Variants in BICC1 observed in about 807,000 individuals in gnomAD.
BICC1 encodes the protein protein bicaudal C homolog 1.
BICC1 carries 43 observed loss-of-function variants against 111.0 expected under a neutral mutation model. The observed-to-expected ratio is 0.39, with a 90% CI of 0.30 to 0.50. The LOEUF (loss-of-function observed/expected upper bound fraction) is 0.50, where lower values mean the gene tolerates loss of function less well. Ranked by LOEUF, BICC1 falls within the 20% of genes least tolerant of loss-of-function variation. The pLI is 0.88. For synonymous variants in BICC1, 467 were observed against 434.4 expected, an observed-to-expected ratio of 1.07 and a Z score of -0.93; for missense variants, 1,091 against 1,203.2, an observed-to-expected ratio of 0.91 and a Z score of 1.38.
chr10:58,771,230 G>A (rs377652472), intron 3 of BICC1, among the ~76,000 whole-genome samples: 102 of 152,242 alleles, frequency 6.7e-4, no homozygotes, highest in Middle Eastern at 3.4e-3. Flanking sequence ...AGTCTGAAGG[G>A]CTGTCATGGA....
At chr10:58,575,795 T>C (rs1844095048) in intron 1 of BICC1, among the ~76,000 whole-genome samples, 1 of 152,184 alleles carries the variant, frequency 6.6e-6, no homozygotes, top group Admixed American at 6.6e-5. Flanking sequence ...TGTATTACCA[T>C]AAATTGTATT....
intron 1 of BICC1, among the ~76,000 whole-genome samples, chr10:58,596,085 T>A (rs996688375): frequency 6.6e-6 from 1 of 152,196 alleles, no homozygotes; most frequent in Non-Finnish European, 1.5e-5. Context: ...TAAACACCTC[T>A]GTGGAAATAA....
At position 58,789,688 on chromosome 10, in the gene BICC1, A is replaced by C. The variant is rs755739904; in HGVS notation, c.802A>C (p.Thr268Pro). 6.2e-7 allele frequency: 1 copy of C among 1,614,122 alleles called. No homozygotes were observed. The highest frequency in any genetic ancestry group is 8.5e-7 in the Non-Finnish European group (1 of 1,179,996). The change falls in exon 8 of 21, where the codon ACT becomes CCT. Residue 268 changes from threonine (T) to proline (P), a missense_variant. Around this residue, in one of 3 missense-constraint regions of BICC1, gnomAD observed 843 missense variants for 900.8 expected, o/e 0.94. Coordinates refer to ENST00000373886, the MANE Select transcript of BICC1 (RefSeq NM_001080512.3). ...TCCCACCCTTTTCTCTTAGGAAGGA[A>C]CTGCCATGCTGTTAGAACATCTTGC... ...QNNTSAVKEG[T>P]AMLLEHLAGS...
At chr10:58,623,261 A>G (rs1045767491) in intron 2 of BICC1, among the ~76,000 whole-genome samples, 2 of 152,206 alleles carry the variant, frequency 1.3e-5, no homozygotes, top group Non-Finnish European at 2.9e-5. Context: ...AAATCTTCCA[A>G]AATAAGAATT....
chr10:58,629,177 C>T (rs1837719638), intron 2 of BICC1, among the ~76,000 whole-genome samples: 2 of 152,142 alleles, frequency 1.3e-5, no homozygotes, highest in African/African-American at 4.8e-5. Flanking sequence ...TTTAATCTGG[C>T]TAAAGTAACA....
intron 3 of BICC1, among the ~76,000 whole-genome samples, chr10:58,751,744 A>G (rs138936042): frequency 6.6e-6 from 1 of 152,134 alleles, no homozygotes; most frequent in African/African-American, 2.4e-5. Context: ...AAAAACTTCA[A>G]ATTTTGTTTA....
At chr10:58,637,089 G>C (rs1837974876) in intron 2 of BICC1, among the ~76,000 whole-genome samples, 1 of 150,516 alleles carries the variant, frequency 6.6e-6, no homozygotes, top group South Asian at 2.1e-4. Context: ...CTTTTATTTG[G>C]GGATACTACT....
At chr10:58,684,269 C>T (rs1053862249) in intron 2 of BICC1, among the ~76,000 whole-genome samples, 5 of 152,088 alleles carry the variant, frequency 3.3e-5, no homozygotes, top group East Asian at 3.8e-4. Flanking sequence ...CTGCTGGATT[C>T]AGTTTGCCAG....
At chr10:58,618,486 C>T (rs11006206) in intron 1 of BICC1, among the ~76,000 whole-genome samples, 12 of 152,312 alleles carry the variant, frequency 7.9e-5, no homozygotes, top group South Asian at 2.1e-4. Context: ...GGTTGGCTCG[C>T]GCCCAGGTTT....
chr10:58,776,672 C>A (rs1842756959), intron 3 of BICC1, among the ~76,000 whole-genome samples: 1 of 152,154 alleles, frequency 6.6e-6, no homozygotes. Flanking sequence ...TCCACCATCA[C>A]AAGAGTTGCC....
intron 20 of BICC1, among the ~76,000 whole-genome samples, chr10:58,822,790 C>G (rs1344382052): frequency 3.3e-5 from 5 of 152,086 alleles, no homozygotes; most frequent in Admixed American, 1.3e-4. Flanking sequence ...CATTTATAGT[C>G]CCAGAACATT....
At chr10:58,823,478 C>T in intron 20 of BICC1, 3 of 984,446 alleles carry the variant, frequency 3.0e-6, no homozygotes, top group Non-Finnish European at 3.6e-6. Flanking sequence ...TATGTATGTA[C>T]TCTCTTAGAA....
intron 1 of BICC1, among the ~76,000 whole-genome samples, chr10:58,550,980 C>T (rs1843281305): frequency 6.6e-6 from 1 of 152,164 alleles, no homozygotes; most frequent in Admixed American, 6.5e-5. Flanking sequence ...TAACATTCCA[C>T]ATCCTGTTTG....
rs145239668 is a variant in BICC1 at position 58,821,668 on chromosome 10, G to A, written c.2794+1200G>A. ...AGAACTTCTTCTAAAATTTCTTCTC[G>A]GATATACTGTGTGTACCCAAGAGGC... is the stretch of plus-strand genomic sequence containing the variant. On this transcript the variant is annotated intron_variant, in intron 20 of 20. Coordinates refer to ENST00000373886, the MANE Select transcript of BICC1 (RefSeq NM_001080512.3). Among the ~76,000 whole-genome samples, 148 of 152,156 alleles carry A rather than the reference G, an allele frequency of 9.7e-4. 1 individual carries two copies. The highest frequency in any genetic ancestry group is 3.0e-3 in the Admixed American group (46 of 15,258).
chr10:58,722,838 A>C (rs894163399), intron 3 of BICC1, among the ~76,000 whole-genome samples: 2 of 152,138 alleles, frequency 1.3e-5, no homozygotes, highest in African/African-American at 4.8e-5. Flanking sequence ...AGCTTATTTG[A>C]GTGAGCTTCT....
At chr10:58,796,940 AG>A (rs531261527) in intron 10 of BICC1, among the ~76,000 whole-genome samples, 7 of 148,192 alleles carry the variant, frequency 4.7e-5, no homozygotes, top group South Asian at 2.2e-4. Flanking sequence ...AGGGGTGGGG[AG>A]GGGGGTGAAA....
chr10:58,655,286 T>A (rs1429010715), intron 2 of BICC1, among the ~76,000 whole-genome samples: 1 of 139,994 alleles, frequency 7.1e-6, no homozygotes, highest in African/African-American at 2.6e-5. Context: ...TTTGGCCATT[T>A]TCACGATATT....
chr10:58,658,909 T>C (rs2132280550), intron 2 of BICC1, among the ~76,000 whole-genome samples: 1 of 152,220 alleles, frequency 6.6e-6, no homozygotes, highest in East Asian at 1.9e-4. Context: ...TGGGCCTCAG[T>C]GGGTTAATTG....
chr10:58,686,946 C>T (rs968955165), intron 2 of BICC1, among the ~76,000 whole-genome samples: 32 of 152,290 alleles, frequency 2.1e-4, no homozygotes, highest in Middle Eastern at 6.8e-3. Flanking sequence ...GGAGAAGAGG[C>T]GCTCTGATTT....
Sources: allele counts gnomAD v4.1 joint callset (sites outside exome capture counted in the v4.1 genomes callset), GRCh38; gene constraint gnomAD v4.1.1; regional missense constraint gnomAD v4.1.1; transcripts MANE v1.5; gene names NCBI Gene and HGNC (gene_info 2026-07-23, HGNC 2026-07-21).